The following SFI1 variants were observed in gnomAD, a reference collection of about 807,000 sequenced individuals.
SFI1 encodes the protein SFI1 centrin binding protein.
In SFI1, 195 loss-of-function variants were observed where a neutral mutation model predicts 207.5. The ratio of observed to expected loss-of-function variants is 0.94; its 90% CI spans 0.84 to 1.06. The LOEUF (loss-of-function observed/expected upper bound fraction) is 1.06. Among genes scored for constraint, SFI1 ranks in the 50% least tolerant of loss-of-function variants. The probability of loss-of-function intolerance (pLI) is 0.00; values close to 1 mark genes in which losing one functional copy is unlikely to be tolerated. For missense variants in SFI1, 1,634 were observed against 1,588.0 expected (o/e 1.03, Z -0.49); for synonymous variants, 630 against 598.9 (o/e 1.05, Z -0.76).
At position 31,604,893 on chromosome 22, in the gene SFI1, A is replaced by G; in HGVS notation, c.2002A>G (p.Ile668Val). 1 of 1,611,936 alleles carries G rather than the reference A, an allele frequency of 6.2e-7. No homozygotes were observed. Among genetic ancestry groups the G allele is most frequent in the Non-Finnish European group, 8.5e-7 (1 of 1,178,952 alleles). Reference protein sequence around the residue: ...WVTYQGRVRSILREVAARESQ... With the variant: ...WVTYQGRVRSVLREVAARESQ... ...GACTTACCAGGGCAGGGTGCGAAGCATCCTCCGGGAGGTGGCAGCCAGGGA... is the reference window on the plus strand; with the variant it reads ...GACTTACCAGGGCAGGGTGCGAAGCGTCCTCCGGGAGGTGGCAGCCAGGGA... The change falls in exon 20 of 33, where the codon ATC becomes GTC. Residue 668 changes from isoleucine to valine, a missense_variant. Physicochemically the swap from Ile to Val is conservative, Grantham distance 29. Coordinates refer to ENST00000400288, the MANE Select transcript of SFI1 (RefSeq NM_001007467.3).
chr22:31,541,111 T>TC (rs1393042177), intron 4 of SFI1, among the ~76,000 whole-genome samples: 1 of 152,076 alleles, frequency 6.6e-6, no homozygotes, highest in African/African-American at 2.4e-5. Flanking sequence ...TTGCAAACAG[T>TC]CCTGTGTTTT....
At chr22:31,555,597 G>A (rs1037720955) in intron 6 of SFI1, among the ~76,000 whole-genome samples, 2 of 152,156 alleles carry the variant, frequency 1.3e-5, no homozygotes, top group African/African-American at 4.8e-5. Context: ...AGAGCAGTTA[G>A]TGTTTATTTT....
intron 20 of SFI1, chr22:31,606,100 C>T: frequency 1.9e-6 from 1 of 520,422 alleles, no homozygotes; most frequent in Non-Finnish European, 3.5e-6. Flanking sequence ...TGGTCTCCAG[C>T]AGTGCTGGGT....
intron 1 of SFI1, among the ~76,000 whole-genome samples, chr22:31,501,822 G>A (rs1227250604): frequency 1.3e-5 from 2 of 152,166 alleles, no homozygotes. Flanking sequence ...TTCTGGATGG[G>A]TCCACTGTCT....
intron 1 of SFI1, among the ~76,000 whole-genome samples, chr22:31,499,964 G>A (rs550508178): frequency 2.2e-4 from 30 of 138,318 alleles, no homozygotes; most frequent in Admixed American, 3.8e-4. Flanking sequence ...CAGCCTGGGC[G>A]ACAGAGTGAG....
At chr22:31,553,179 A>G (rs184359058) in intron 6 of SFI1, among the ~76,000 whole-genome samples, 13 of 152,266 alleles carry the variant, frequency 8.5e-5, no homozygotes, top group Admixed American at 6.5e-4. Flanking sequence ...CTAGTGTAAG[A>G]TGATATCTCA....
intron 10 of SFI1, among the ~76,000 whole-genome samples, chr22:31,576,758 G>GC (rs1263689262): frequency 2.0e-5 from 3 of 151,678 alleles, no homozygotes; most frequent in African/African-American, 7.3e-5. Flanking sequence ...TCCGGCCTCA[G>GC]CCCCACGAGT....
At chr22:31,522,403 T>C (rs1028886592) in intron 2 of SFI1, among the ~76,000 whole-genome samples, 3 of 152,146 alleles carry the variant, frequency 2.0e-5, no homozygotes, top group East Asian at 1.9e-4. Context: ...ATTAAGTACA[T>C]TGACAATGTG....
At chr22:31,503,749 A>ATTT (rs759980698) in intron 1 of SFI1, among the ~76,000 whole-genome samples, 1 of 137,194 alleles carries the variant, frequency 7.3e-6, no homozygotes, top group Non-Finnish European at 1.6e-5. Flanking sequence ...CACCATGCCA[A>ATTT]TTTTTTTTTT....
chr22:31,527,958 A>G (rs1016053203), intron 2 of SFI1, among the ~76,000 whole-genome samples: 4 of 152,160 alleles, frequency 2.6e-5, no homozygotes, highest in Non-Finnish European at 5.9e-5. Context: ...TAATAAAAAT[A>G]CAAAACTTAG....
chr22:31,585,637 A>G (rs901376884), intron 14 of SFI1, among the ~76,000 whole-genome samples: 1 of 152,204 alleles, frequency 6.6e-6, no homozygotes, highest in African/African-American at 2.4e-5. Context: ...CAGACACTGC[A>G]CTAAGCACTG....
At chr22:31,594,005 A>AGACGGG (rs71184509) in intron 15 of SFI1, among the ~76,000 whole-genome samples, 1 of 128,214 alleles carries the variant, frequency 7.8e-6, no homozygotes. Context: ...AGGGAGAGGG[A>AGACGGG]CAGGGAGAGG....
chr22:31,547,593 G>A (rs1470679532), intron 5 of SFI1, among the ~76,000 whole-genome samples: 2 of 151,528 alleles, frequency 1.3e-5, no homozygotes, highest in Non-Finnish European at 2.9e-5. Flanking sequence ...TTACAGGCAT[G>A]AGTCACCGCG....
rs766378992 is a variant in SFI1, at chr22:31,613,820, C to T, written c.2961C>T (p.Gly987=). ...PQASRPLGAL[G]RLAAEEPHAL... is the part of the protein sequence containing the mutation. ...CTTCTCGGCCTCTGGGAGCTCTGGG[C>T]CGCCTGGCTGCTGAGGAGCCCCACG... Residue 987 remains glycine (G), a synonymous_variant, in exon 27 of 33, where the codon GGC becomes GGT. Transcript: ENST00000400288. 6.2e-7 allele frequency: 1 copy of T among 1,609,452 alleles called. No individual in the cohort carries two copies. Among genetic ancestry groups the T allele is most frequent in the Admixed American group, 1.7e-5 (1 of 59,664 alleles).
intron 4 of SFI1, among the ~76,000 whole-genome samples, chr22:31,545,235 A>G (rs1353987470): frequency 2.6e-5 from 4 of 152,146 alleles, no homozygotes; most frequent in African/African-American, 7.2e-5. Context: ...GCGTGATGGC[A>G]CATGCCTGTA....
At chr22:31,606,693 CTTTTTTTTTTTTTTT>C (rs10524692) in intron 21 of SFI1, 2 of 113,204 alleles carry the variant, frequency 1.8e-5, no homozygotes, top group Admixed American at 2.5e-4. Flanking sequence ...TTCTTTTTTT[CTTTTTTTTTTTTTTT>C]TTTTTTTTGA....
chr22:31,566,144 C>T (rs983634745), intron 8 of SFI1, among the ~76,000 whole-genome samples: 14 of 149,670 alleles, frequency 9.4e-5, no homozygotes, highest in Non-Finnish European at 1.5e-4. Flanking sequence ...TTTGAGACTC[C>T]GTGCAGTGGC....
intron 3 of SFI1, 194 bp downstream of exon 3, chr22:31,529,057 C>T: frequency 2.0e-6 from 1 of 510,244 alleles, no homozygotes; most frequent in Non-Finnish European, 3.4e-6. Flanking sequence ...TGAGTGTTTT[C>T]ATTTCTCCAC....
chr22:31,615,420 G>GGACCTGCACA, intron 29 of SFI1, 141 bp downstream of exon 29: 1 of 722,288 alleles, frequency 1.4e-6, no homozygotes, highest in South Asian at 2.9e-5. Context: ...AGCATAGGTA[G>GGACCTGCACA]CCACTGCACA....
Sources: gnomAD v4.1 joint callset for allele counts (sites outside exome capture counted in the v4.1 genomes callset) on GRCh38, gnomAD v4.1.1 for gene constraint, MANE v1.5 for transcripts, NCBI Gene and HGNC (gene_info 2026-07-23, HGNC 2026-07-21) for gene names.